ZNF638: variants seen among roughly 807,000 people sequenced by gnomAD.
ZNF638 encodes zinc finger protein 638.
Under a neutral mutation model 195.6 loss-of-function variants are expected in ZNF638, and 46 were observed. The observed-to-expected ratio is 0.24, with a 90% confidence interval of 0.19 to 0.30. The LOEUF (loss-of-function observed/expected upper bound fraction) is 0.30. ZNF638 is among the 10% of genes least tolerant of loss of function. The pLI is 1.00. For missense variants in ZNF638, 2,440 were observed against 2,325.3 expected (o/e 1.05, Z -1.01); for synonymous variants, 845 against 772.0 (o/e 1.09, Z -1.57).
chr2:71,396,889 G>A (rs920056375), intron 11 of ZNF638, among the ~76,000 whole-genome samples: 21 of 152,324 alleles, frequency 1.4e-4, no homozygotes, highest in African/African-American at 5.1e-4. Context: ...GGAAGTTGCA[G>A]TGAGCTGAGA....
At chr2:71,428,694 C>G (rs754539750) in intron 25 of ZNF638, 43 bp downstream of exon 25, 1 of 1,499,920 alleles carries the variant, frequency 6.7e-7, no homozygotes, top group Non-Finnish European at 9.2e-7. Context: ...TTACACAACA[C>G]AGGAGAGTAG....
intron 20 of ZNF638, 104 bp from the exon 21 acceptor site, chr2:71,418,498 G>GT (rs72207075): frequency 0.14 from 85,831 of 612,948 alleles, 1,668 homozygotes; most frequent in East Asian, 0.24. Context: ...CATTTTTAAG[G>GT]TTTTTTTTTT....
intron 17 of ZNF638, among the ~76,000 whole-genome samples, chr2:71,404,907 ATTG>A (rs1479636328): frequency 1.9e-4 from 29 of 152,338 alleles, no homozygotes; most frequent in African/African-American, 6.5e-4. Flanking sequence ...AGGTAGAAAT[ATTG>A]TATGCATCAC....
At chr2:71,340,581 A>C (rs573577119) in intron 1 of ZNF638, among the ~76,000 whole-genome samples, 1 of 152,224 alleles carries the variant, frequency 6.6e-6, no homozygotes, top group Non-Finnish European at 1.5e-5. Context: ...AATGAGGTAT[A>C]TGGGTGTATG....
At chr2:71,418,023 C>G (rs1332780210) in intron 20 of ZNF638, among the ~76,000 whole-genome samples, 2 of 152,186 alleles carry the variant, frequency 1.3e-5, no homozygotes, top group African/African-American at 4.8e-5. Context: ...TTCACTGATG[C>G]ATCCCAAGTA....
intron 10 of ZNF638, among the ~76,000 whole-genome samples, chr2:71,391,010 A>T (rs981069892): frequency 6.6e-6 from 1 of 152,166 alleles, no homozygotes; most frequent in Non-Finnish European, 1.5e-5. Flanking sequence ...TTCTCTCAAG[A>T]TCCAATTTGG....
chr2:71,370,619 T>C (rs914596805), intron 8 of ZNF638, among the ~76,000 whole-genome samples: 13 of 152,168 alleles, frequency 8.5e-5, no homozygotes, highest in Admixed American at 3.9e-4. Flanking sequence ...AGGTTTTCTT[T>C]GTGTATGTGT....
chr2:71,423,973 A>G lies in ZNF638; in HGVS notation c.4459A>G (p.Thr1487Ala), dbSNP rs1250852237. Residue 1487 changes from threonine to alanine, a missense_variant, in exon 22 of 28, where the codon ACA (threonine) becomes GCA (alanine). Transcript: ENST00000264447. ...KLSKLDYRDI[T>A]KQSQETEARP... Reference sequence around the variant, plus strand: ...TTCTAAACTGGATTACAGAGATATAACAAAACAATCTCAGGAAACAGAGGC... The same window carrying G: ...TTCTAAACTGGATTACAGAGATATAGCAAAACAATCTCAGGAAACAGAGGC... 2 of 1,614,018 alleles carry G rather than the reference A, an allele frequency of 1.2e-6. No individual in the cohort carries two copies. The highest frequency in any genetic ancestry group is 1.7e-6 in the Non-Finnish European group (2 of 1,180,018).
At chr2:71,428,413 C>T (rs1486056183) in intron 24 of ZNF638, 134 bp from the exon 25 acceptor site, 2 of 576,198 alleles carry the variant, frequency 3.5e-6, no homozygotes, top group Non-Finnish European at 6.2e-6. Flanking sequence ...TTTATATTAG[C>T]AGTAGGCTTC....
At chr2:71,376,245 ATGT>A (rs2079421490) in intron 8 of ZNF638, 2 of 152,250 alleles carry the variant, frequency 1.3e-5, no homozygotes, top group Non-Finnish European at 2.9e-5. Flanking sequence ...CTTCAGCTAA[ATGT>A]TGTTTGGATG....
At position 71,426,961 on chromosome 2, in the gene ZNF638, G is replaced by A. The variant is rs763701129; in HGVS notation, c.5092G>A (p.Ala1698Thr). The A allele has an allele frequency of 1.9e-6, 3 of 1,613,098 alleles. No individual in the cohort carries two copies. The South Asian group carries it at 3.3e-5, about 18-fold the overall frequency. The change falls in exon 24 of 28, where the codon GCA (alanine) becomes ACA (threonine). Residue 1698 changes from alanine to threonine, a missense_variant. By Grantham distance (58) the Ala-to-Thr change is moderately conservative. Around this residue, in one of 5 missense-constraint regions of ZNF638, gnomAD observed 1,883 missense variants for 1,739.1 expected, o/e 1.08. Transcript: ENST00000264447. Reference sequence around the variant, plus strand: ...GGAAGAGCTACCTTTGAATGAGTCAGCAGACATAACTTTTGCCACTTTAAA... The same window carrying A: ...GGAAGAGCTACCTTTGAATGAGTCAACAGACATAACTTTTGCCACTTTAAA... ...EVEELPLNES[A>T]DITFATLNTK...
At chr2:71,352,505 A>G (rs1023255149) in intron 2 of ZNF638, among the ~76,000 whole-genome samples, 1 of 151,596 alleles carries the variant, frequency 6.6e-6, no homozygotes, top group Non-Finnish European at 1.5e-5. Context: ...TAAAAAAAAA[A>G]AAAAAGAAGA....
In ZNF638 at chr2:71,423,014, T is replaced by A. The variant is rs763709853; in HGVS notation, c.3500T>A (p.Leu1167His). The change falls in exon 22 of 28, where the codon CTT becomes CAT. Residue 1167 changes from leucine to histidine, a missense_variant. Leu to His is a moderately conservative substitution (Grantham distance 99). Around this residue, in one of 5 missense-constraint regions of ZNF638, gnomAD observed 1,883 missense variants for 1,739.1 expected, o/e 1.08. Coordinates refer to ENST00000264447, the MANE Select transcript of ZNF638 (RefSeq NM_014497.5). ...GACTTTGCTGTTGAAACTTTGGAGCTTGAAACTCAAGGAGAGGAGGTCAAA... is the reference window on the plus strand; with the variant it reads ...GACTTTGCTGTTGAAACTTTGGAGCATGAAACTCAAGGAGAGGAGGTCAAA... Reference protein sequence around the residue: ...DSDFAVETLELETQGEEVKEE... With the variant: ...DSDFAVETLEHETQGEEVKEE... 4.3e-6 allele frequency: 7 copies of A among 1,614,130 alleles called. No individual in the cohort carries two copies. In the Admixed American group the frequency reaches 1.2e-4, roughly 27 times the overall value.
At chr2:71,343,098 C>CA (rs1179718451) in intron 1 of ZNF638, among the ~76,000 whole-genome samples, 2 of 152,134 alleles carry the variant, frequency 1.3e-5, no homozygotes, top group Non-Finnish European at 2.9e-5. Context: ...TGCCATCCTA[C>CA]AAAACTCAAT....
chr2:71,385,253 G>A (rs774813510), intron 10 of ZNF638, among the ~76,000 whole-genome samples: 10 of 152,100 alleles, frequency 6.6e-5, no homozygotes, highest in Non-Finnish European at 8.8e-5. Flanking sequence ...CTAAACACAT[G>A]CTTACCATAT....
chr2:71,410,625 A>C (rs964626825), intron 20 of ZNF638, among the ~76,000 whole-genome samples: 9 of 152,194 alleles, frequency 5.9e-5, no homozygotes, highest in African/African-American at 2.2e-4. Flanking sequence ...ATTTTAGTGG[A>C]GGAGATAGAC....
intron 21 of ZNF638, among the ~76,000 whole-genome samples, chr2:71,422,560 A>G (rs183420110): frequency 2.0e-4 from 30 of 152,352 alleles, no homozygotes; most frequent in Middle Eastern, 3.4e-3. Context: ...GAGGGAAAAT[A>G]TTGGCTGTAA....
chr2:71,425,641 T>G (rs1054041796), intron 23 of ZNF638, among the ~76,000 whole-genome samples: 1 of 152,144 alleles, frequency 6.6e-6, no homozygotes, highest in Non-Finnish European at 1.5e-5. Context: ...CATACAACTT[T>G]CTCAAAATGT....
intron 11 of ZNF638, 29 bp from the exon 12 acceptor site, chr2:71,398,666 GTAAACC>G: frequency 6.4e-7 from 1 of 1,559,788 alleles, no homozygotes; most frequent in Non-Finnish European, 8.8e-7. Flanking sequence ...TACTAGTTAA[GTAAACC>G]AGTTTTGACT....
Sources: gnomAD v4.1 joint callset for allele counts (sites outside exome capture counted in the v4.1 genomes callset) on GRCh38, gnomAD v4.1.1 for gene constraint, gnomAD v4.1.1 regional missense constraint, MANE v1.5 for transcripts, NCBI Gene and HGNC (gene_info 2026-07-23, HGNC 2026-07-21) for gene names.